The following XIRP2 variants were observed in gnomAD, a reference collection of about 807,000 sequenced individuals.
XIRP2 encodes xin actin binding repeat containing 2.
XIRP2 carries 236 observed loss-of-function variants against 277.0 expected under a neutral mutation model. The ratio of observed to expected loss-of-function variants is 0.85; its 90% CI spans 0.77 to 0.95. The LOEUF (loss-of-function observed/expected upper bound fraction) is 0.95, where lower values mean the gene tolerates loss of function less well. Among genes scored for constraint, XIRP2 ranks in the 40% least tolerant of loss-of-function variants. XIRP2 has a pLI of 0.00. For synonymous variants in XIRP2, 1,490 were observed against 1,416.5 expected (o/e 1.05, Z -1.17); for missense variants, 4,640 against 4,157.5 (o/e 1.12, Z -3.19).
At chr2:167,170,953 G>A (rs1328000879) in intron 3 of XIRP2, among the ~76,000 whole-genome samples, 2 of 136,260 alleles carry the variant, frequency 1.5e-5, no homozygotes, top group Non-Finnish European at 3.0e-5. Flanking sequence ...AGGCTGGAGT[G>A]CAGTGGCCCA....
chr2:166,979,601 T>C (rs562145762), intron 2 of XIRP2, among the ~76,000 whole-genome samples: 1 of 152,174 alleles, frequency 6.6e-6, no homozygotes, highest in East Asian at 1.9e-4. Flanking sequence ...CCATGAATAG[T>C]ATTAAAATTT....
At chr2:167,240,086 T>C (rs1695011699) in intron 6 of XIRP2, 121 bp downstream of exon 6, 1 of 858,744 alleles carries the variant, frequency 1.2e-6, no homozygotes, top group Admixed American at 3.8e-5. Context: ...CCTATCAGTG[T>C]TTCTTTCTCC....
At chr2:167,254,009 G>A (rs1695589704) in intron 9 of XIRP2, 23 bp from the exon 10 acceptor site, 1 of 1,570,108 alleles carries the variant, frequency 6.4e-7, no homozygotes, top group Non-Finnish European at 8.6e-7. Flanking sequence ...ACTACAGAAG[G>A]CTTTGTAAAT....
chr2:167,098,820 G>C (rs1004231375), intron 2 of XIRP2, among the ~76,000 whole-genome samples: 5 of 152,132 alleles, frequency 3.3e-5, no homozygotes, highest in African/African-American at 1.2e-4. Context: ...AGATCTGCTG[G>C]AGTTTGCTGT....
At chr2:167,211,446 A>G (rs2105390281) in intron 4 of XIRP2, among the ~76,000 whole-genome samples, 1 of 152,328 alleles carries the variant, frequency 6.6e-6, no homozygotes, top group South Asian at 2.1e-4. Flanking sequence ...TGACTGAAAA[A>G]TGGGAATCAT....
intron 2 of XIRP2, among the ~76,000 whole-genome samples, chr2:166,957,767 G>A (rs1686199348): frequency 6.6e-6 from 1 of 151,746 alleles, no homozygotes; most frequent in Non-Finnish European, 1.5e-5. Context: ...AGACCCATAT[G>A]AGTGATTTAG....
intron 2 of XIRP2, among the ~76,000 whole-genome samples, chr2:167,063,202 G>T (rs1438917006): frequency 1.3e-5 from 2 of 151,582 alleles, no homozygotes; most frequent in African/African-American, 4.8e-5. Flanking sequence ...GCTTTTTCAT[G>T]TGAGCATTTC....
intron 1 of XIRP2, among the ~76,000 whole-genome samples, chr2:166,897,283 A>G (rs1045301489): frequency 6.6e-6 from 1 of 152,124 alleles, no homozygotes; most frequent in African/African-American, 2.4e-5. Flanking sequence ...CAAGACTAGC[A>G]CTCAGTGGCC....
At chr2:166,983,805 A>G (rs1686932867) in intron 2 of XIRP2, among the ~76,000 whole-genome samples, 1 of 152,238 alleles carries the variant, frequency 6.6e-6, no homozygotes, top group Non-Finnish European at 1.5e-5. Flanking sequence ...TGCCAAATGT[A>G]GAATGACTAT....
At chr2:167,129,186 T>G (rs188366429) in intron 2 of XIRP2, among the ~76,000 whole-genome samples, 76 of 152,314 alleles carry the variant, frequency 5.0e-4, no homozygotes, top group Non-Finnish European at 7.3e-4. Flanking sequence ...ATTTTTGCTC[T>G]TCTCTTTATG....
At chr2:167,025,290 C>G (rs185838605) in intron 2 of XIRP2, among the ~76,000 whole-genome samples, 1 of 152,036 alleles carries the variant, frequency 6.6e-6, no homozygotes, top group Admixed American at 6.6e-5. Flanking sequence ...TCTGTGGGAT[C>G]GGTGGTAATA....
At chr2:167,211,927 T>C (rs972032781) in intron 4 of XIRP2, among the ~76,000 whole-genome samples, 1 of 152,182 alleles carries the variant, frequency 6.6e-6, no homozygotes, top group African/African-American at 2.4e-5. Context: ...TTTATAATTA[T>C]AATCTCCAAA....
chr2:166,954,199 A>G (rs1051877443), intron 2 of XIRP2, among the ~76,000 whole-genome samples: 1 of 152,052 alleles, frequency 6.6e-6, no homozygotes, highest in Non-Finnish European at 1.5e-5. Flanking sequence ...ATGTTCCATG[A>G]TGTACAATTT....
intron 2 of XIRP2, among the ~76,000 whole-genome samples, chr2:166,955,124 T>C (rs1162088013): frequency 6.6e-6 from 1 of 151,856 alleles, no homozygotes; most frequent in African/African-American, 2.4e-5. Flanking sequence ...ATATTATTCA[T>C]AGCATTTTTC....
intron 4 of XIRP2, among the ~76,000 whole-genome samples, chr2:167,214,476 C>CAA (rs569699283): frequency 2.4e-4 from 20 of 84,622 alleles, no homozygotes; most frequent in South Asian, 8.0e-4. Flanking sequence ...GACTCCATCT[C>CAA]AAAAAAAAAA....
intron 2 of XIRP2, among the ~76,000 whole-genome samples, chr2:167,122,192 A>C (rs1230380383): frequency 6.6e-6 from 1 of 152,148 alleles, no homozygotes; most frequent in Non-Finnish European, 1.5e-5. Flanking sequence ...GAGAATATTA[A>C]ATAATTGTAC....
intron 2 of XIRP2, among the ~76,000 whole-genome samples, chr2:167,044,389 T>C (rs1257084334): frequency 6.6e-6 from 1 of 151,934 alleles, no homozygotes; most frequent in East Asian, 1.9e-4. Flanking sequence ...CCCTCACCGC[T>C]CCTATTAAAC....
chr2:167,125,313 G>A (rs1337752952), intron 2 of XIRP2, among the ~76,000 whole-genome samples: 14 of 152,144 alleles, frequency 9.2e-5, no homozygotes, highest in East Asian at 3.9e-4. Context: ...AATAGGATAC[G>A]TAGCTGTAAA....
intron 2 of XIRP2, among the ~76,000 whole-genome samples, chr2:166,918,065 C>A (rs1200261785): frequency 6.6e-6 from 1 of 152,162 alleles, no homozygotes; most frequent in Non-Finnish European, 1.5e-5. Flanking sequence ...AGGAGTGATG[C>A]TGTTTTGCCC....
Sources: gnomAD v4.1 joint callset for allele counts (sites outside exome capture counted in the v4.1 genomes callset) on GRCh38, gnomAD v4.1.1 for gene constraint, MANE v1.5 for transcripts, NCBI Gene and HGNC (gene_info 2026-07-23, HGNC 2026-07-21) for gene names.